Variants in FRS2 observed in about 807,000 individuals in gnomAD.
FRS2 encodes the protein fibroblast growth factor receptor substrate 2, also known as FGFR signalling adaptor.
In FRS2, 8 loss-of-function variants were observed where a neutral mutation model predicts 43.9. The observed-to-expected ratio is 0.18, with a 90% CI of 0.11 to 0.33. The LOEUF (loss-of-function observed/expected upper bound fraction) is 0.33. Among genes scored for constraint, FRS2 ranks in the 10% least tolerant of loss-of-function variants. The pLI, the probability that FRS2 is intolerant of heterozygous loss-of-function variation, is 1.00. For missense variants in FRS2, 534 were observed against 627.6 expected (o/e 0.85, Z 1.59); for synonymous variants, 219 against 220.3 (o/e 0.99, Z 0.05).
chr12:69,545,618 G>A (rs143289981), intron 3 of FRS2, among the ~76,000 whole-genome samples: 1 of 152,014 alleles, frequency 6.6e-6, no homozygotes, highest in Non-Finnish European at 1.5e-5. Flanking sequence ...TTAGCTGGGT[G>A]TGGTGGCAGA....
chr12:69,541,214 G>T (rs567985), intron 3 of FRS2, among the ~76,000 whole-genome samples: 1 of 152,054 alleles, frequency 6.6e-6, no homozygotes, highest in African/African-American at 2.4e-5. Context: ...AAAAAATTTA[G>T]TAAAGGAGGA....
chr12:69,536,101 C>CCTTTTTTTTTT (rs1877251782), intron 3 of FRS2, among the ~76,000 whole-genome samples: 13 of 37,176 alleles, frequency 3.5e-4, no homozygotes, highest in African/African-American at 9.0e-4. Flanking sequence ...TATTTTCATT[C>CCTTTTTTTTTT]TTTTTTTTTT....
At chr12:69,517,680 T>A (rs1227191519) in intron 1 of FRS2, among the ~76,000 whole-genome samples, 1 of 152,194 alleles carries the variant, frequency 6.6e-6, no homozygotes, top group Non-Finnish European at 1.5e-5. Context: ...TTCATGCATT[T>A]ATTTAAACTC....
rs71094716 is a variant in FRS2, at chr12:69,485,082, A to AACACACACACACACACACAC, written c.-261+14587_-261+14606dup. On this transcript the variant is annotated intron_variant, in intron 1 of 8. Transcript: ENST00000549921. Reference sequence around the variant, plus strand: ...GAAACATAGTAAGACCTCATCTTAAAACACACACACACACACACACACACA... The same window carrying AACACACACACACACACACAC: ...GAAACATAGTAAGACCTCATCTTAAAACACACACACACACACACACACACACACACACACACACACACACA... Among the ~76,000 whole-genome samples the AACACACACACACACACACAC allele has an allele frequency of 1.8e-3, 152 of 85,320 alleles. 2 individuals are homozygous for AACACACACACACACACACAC. The highest frequency in any genetic ancestry group is 3.7e-3 in the African/African-American group (67 of 18,150). The allele number at this position is 85,320 out of a possible 152,430, so 56.0% of individuals were successfully genotyped here. A position where few individuals can be genotyped will look rare whatever the true frequency, so the allele number is the denominator to read the frequency against.
chr12:69,557,629 C>CGCGCGT (rs1879520552), intron 3 of FRS2, among the ~76,000 whole-genome samples: 1 of 111,854 alleles, frequency 8.9e-6, no homozygotes, highest in African/African-American at 4.1e-5. Flanking sequence ...TGCGCGCGCG[C>CGCGCGT]GCGCGCGCAG....
At chr12:69,492,312 G>A (rs1023823234) in intron 1 of FRS2, among the ~76,000 whole-genome samples, 1 of 152,206 alleles carries the variant, frequency 6.6e-6, no homozygotes, top group African/African-American at 2.4e-5. Flanking sequence ...TTTCCATTAA[G>A]TCATATAAAA....
intron 1 of FRS2, among the ~76,000 whole-genome samples, chr12:69,487,376 G>A (rs1205168484): frequency 2.0e-5 from 3 of 152,166 alleles, no homozygotes; most frequent in Non-Finnish European, 4.4e-5. Flanking sequence ...AAGTCCTAGG[G>A]CCCTTTAAGA....
chr12:69,541,645 C>T (rs1877910145), intron 3 of FRS2, among the ~76,000 whole-genome samples: 1 of 151,586 alleles, frequency 6.6e-6, no homozygotes, highest in African/African-American at 2.4e-5. Context: ...GGCAACATGG[C>T]GAAACTCCTT....
At chr12:69,565,376 A>T (rs12303272) in intron 4 of FRS2, among the ~76,000 whole-genome samples, 4,247 of 152,304 alleles carry the variant, frequency 0.028, 197 homozygotes, top group African/African-American at 0.097. Flanking sequence ...TGTAGGCTTT[A>T]TAAAACTGTA....
At chr12:69,513,010 A>G (rs1874609878) in intron 1 of FRS2, among the ~76,000 whole-genome samples, 1 of 152,206 alleles carries the variant, frequency 6.6e-6, no homozygotes, top group Non-Finnish European at 1.5e-5. Context: ...GAATCAGAAG[A>G]TAAGTTCCTT....
intron 1 of FRS2, among the ~76,000 whole-genome samples, chr12:69,496,580 C>T (rs908148046): frequency 6.6e-6 from 1 of 152,168 alleles, no homozygotes; most frequent in Non-Finnish European, 1.5e-5. Flanking sequence ...TTTGGTAGAG[C>T]TCTTACAGGC....
At chr12:69,503,359 A>T (rs548579382) in intron 1 of FRS2, among the ~76,000 whole-genome samples, 20 of 152,218 alleles carry the variant, frequency 1.3e-4, no homozygotes, top group Admixed American at 6.5e-5. Context: ...TTAGTTCAGG[A>T]TTATCCAGCT....
chr12:69,555,042 CT>C (rs1879219698), intron 3 of FRS2, among the ~76,000 whole-genome samples: 1 of 150,772 alleles, frequency 6.6e-6, no homozygotes, highest in Non-Finnish European at 1.5e-5. Flanking sequence ...TTTTTTTTAC[CT>C]TTTTTCGTTT....
intron 3 of FRS2, among the ~76,000 whole-genome samples, chr12:69,537,651 C>T (rs374764105): frequency 1.3e-5 from 2 of 151,306 alleles, no homozygotes; most frequent in African/African-American, 4.9e-5. Flanking sequence ...GTATTGAGGG[C>T]GTTATTTTTT....
rs541788017 is a variant in FRS2, at chr12:69,562,791, G to A, written c.-27+517G>A. ...TGCAGCCTCGACCACCTGGGTTTAA[G>A]TGATCCTCCCACCTCAACCTCCCAA... On this transcript the variant is annotated intron_variant, in intron 4 of 8. Coordinates refer to ENST00000549921, the MANE Select transcript of FRS2 (RefSeq NM_001278356.2). Among the ~76,000 whole-genome samples the A allele has an allele frequency of 3.3e-5, 5 of 152,250 alleles. No homozygotes were observed. In the South Asian group the frequency reaches 1.0e-3, roughly 32 times the overall value.
chr12:69,537,868 C>T (rs1156334539), intron 3 of FRS2: 2 of 152,480 alleles, frequency 1.3e-5, no homozygotes, highest in South Asian at 2.1e-4. Context: ...CCTTTTTCGT[C>T]TCCACAAACT....
intron 1 of FRS2, among the ~76,000 whole-genome samples, chr12:69,526,776 T>C (rs1369323396): frequency 6.6e-6 from 1 of 151,760 alleles, no homozygotes; most frequent in Non-Finnish European, 1.5e-5. Flanking sequence ...CAGGCTAGAG[T>C]GCAGTGGCAC....
chr12:69,483,813 A>G (rs1871567740), intron 1 of FRS2, among the ~76,000 whole-genome samples: 1 of 152,178 alleles, frequency 6.6e-6, no homozygotes, highest in Non-Finnish European at 1.5e-5. Flanking sequence ...TTTTGAGTCA[A>G]AGGATATGAG....
chr12:69,566,855 C>T (rs1880343517), intron 4 of FRS2, among the ~76,000 whole-genome samples: 1 of 152,150 alleles, frequency 6.6e-6, no homozygotes, highest in Non-Finnish European at 1.5e-5. Context: ...GGGAACATGT[C>T]CCTAGCTTGT....
Sources: gnomAD v4.1 joint callset for allele counts (sites outside exome capture counted in the v4.1 genomes callset) on GRCh38, gnomAD v4.1.1 for gene constraint, MANE v1.5 for transcripts, NCBI Gene and HGNC (gene_info 2026-07-23, HGNC 2026-07-21) for gene names.